The following UPP2 variants were observed in gnomAD, a reference collection of about 807,000 sequenced individuals.
UPP2 encodes uridine phosphorylase 2.
Under a neutral mutation model 26.7 loss-of-function variants are expected in UPP2, and 23 were observed. That is an observed-to-expected ratio of 0.86 (90% CI 0.62 to 1.22). UPP2 has a LOEUF of 1.22. Among genes scored for constraint, UPP2 ranks in the 50% most tolerant of loss-of-function variants. The pLI is 0.00. For missense variants in UPP2, 387 were observed against 396.7 expected (o/e 0.98, Z 0.21); for synonymous variants, 127 against 141.3 (o/e 0.90, Z 0.72).
chr2:157,995,652 A>G (rs1683313776), intron 2 of UPP2, among the ~76,000 whole-genome samples: 1 of 152,176 alleles, frequency 6.6e-6, no homozygotes, highest in Admixed American at 6.5e-5. Flanking sequence ...AAAAATTGAA[A>G]ATACAAAAAG....
At chr2:158,016,554 T>G (rs1683663134) in intron 3 of UPP2, among the ~76,000 whole-genome samples, 3 of 152,042 alleles carry the variant, frequency 2.0e-5, no homozygotes, top group Admixed American at 2.0e-4. Flanking sequence ...TTGACCAGGC[T>G]GGTTTTGAAC....
rs567081266 is a variant in UPP2, at chr2:158,007,683, A to G, written c.62-8118A>G. 2.0e-5 allele frequency among the ~76,000 whole-genome samples: 3 copies of G among 148,128 alleles called. No homozygotes were observed. The East Asian group carries it at 6.0e-4, about 29-fold the overall frequency. ...TGCTCTGTCGCTCAGACTGGAGTGC[A>G]GTGGAGTGATCACTGCAACCTCCAC... On this transcript the variant is annotated intron_variant, in intron 2 of 9. Transcript: ENST00000605860.
At chr2:158,097,258 T>C (rs111810440), upstream of UPP2, among the ~76,000 whole-genome samples, 963 of 152,208 alleles carry the variant, frequency 6.3e-3, 7 homozygotes, top group African/African-American at 0.018. Context: ...TGGCTGACAA[T>C]AGTCAAGTCC....
At chr2:158,061,323 C>G (rs1398750685) in intron 3 of UPP2, among the ~76,000 whole-genome samples, 1 of 152,186 alleles carries the variant, frequency 6.6e-6, no homozygotes, top group Non-Finnish European at 1.5e-5. Flanking sequence ...CAGTGTTCCC[C>G]TCACACAAGG....
intron 1 of UPP2, among the ~76,000 whole-genome samples, chr2:158,104,954 A>G (rs1198161660): frequency 2.5e-4 from 16 of 64,012 alleles, no homozygotes; most frequent in African/African-American, 1.5e-3. Context: ...AGGGAAGGGA[A>G]GGGAAGGGAA....
chr2:158,081,814 A>G (rs1386771091), intron 3 of UPP2, among the ~76,000 whole-genome samples: 1 of 152,136 alleles, frequency 6.6e-6, no homozygotes, highest in East Asian at 1.9e-4. Flanking sequence ...TAAAAGGGGT[A>G]GTGGGGAGGG....
At chr2:158,042,851 C>G (rs915026272) in intron 3 of UPP2, among the ~76,000 whole-genome samples, 12 of 152,082 alleles carry the variant, frequency 7.9e-5, no homozygotes, top group African/African-American at 2.4e-4. Context: ...GGGGAGGAGG[C>G]CTTTGGAGGA....
intron 3 of UPP2, chr2:158,015,905 T>C (rs1017664251): frequency 3.9e-5 from 17 of 432,250 alleles, no homozygotes; most frequent in East Asian, 7.3e-5. Flanking sequence ...ATTAAACCTC[T>C]TTTGTTCATA....
chr2:158,118,485 A>G (rs762458357), intron 4 of UPP2, among the ~76,000 whole-genome samples: 1 of 151,954 alleles, frequency 6.6e-6, no homozygotes, highest in East Asian at 1.9e-4. Context: ...TATAGTTTTC[A>G]CAGAGCCTCC....
At chr2:158,080,594 T>C (rs1682707297) in intron 3 of UPP2, among the ~76,000 whole-genome samples, 2 of 152,214 alleles carry the variant, frequency 1.3e-5, no homozygotes, top group Admixed American at 6.5e-5. Context: ...TTTATAAATC[T>C]TGATGCACTA....
chr2:158,041,821 A>AC (rs1684086074), intron 3 of UPP2, among the ~76,000 whole-genome samples: 1 of 152,010 alleles, frequency 6.6e-6, no homozygotes, highest in Admixed American at 6.6e-5. Context: ...TCCCTCTCCC[A>AC]CCTCCCCCAC....
intron 3 of UPP2, among the ~76,000 whole-genome samples, chr2:158,086,276 C>T (rs536872270): frequency 1.3e-5 from 2 of 152,164 alleles, no homozygotes; most frequent in African/African-American, 4.8e-5. Context: ...AATTTATACA[C>T]ATAAAAGTGT....
At chr2:158,106,453 GC>G (rs1683198208) in intron 2 of UPP2, among the ~76,000 whole-genome samples, 1 of 152,064 alleles carries the variant, frequency 6.6e-6, no homozygotes, top group African/African-American at 2.4e-5. Context: ...GGCTACTCTG[GC>G]CCCTGGAGAT....
At chr2:158,108,887 CGTGTGTGTGTGTGTGT>C (rs748328980) in intron 2 of UPP2, among the ~76,000 whole-genome samples, 39 of 133,126 alleles carry the variant, frequency 2.9e-4, no homozygotes, top group Middle Eastern at 3.9e-3. Flanking sequence ...GAGGCAAAAG[CGTGTGTGTGTGTGTGT>C]GTGTGTGTGT....
chr2:158,068,701 A>G lies in UPP2; in HGVS notation c.148-33339A>G, dbSNP rs140282350. ...AGTTTGCTGCTGAGCTTAAGATCCT[A>G]TGGAGTTACTGAGGACTATGATAAA... On this transcript the variant is annotated intron_variant, in intron 3 of 9. Transcript: ENST00000605860. Among the ~76,000 whole-genome samples the G allele has an allele frequency of 7.6e-3, 1,054 of 138,806 alleles. 9 individuals are homozygous for G. Among genetic ancestry groups the G allele is most frequent in the Middle Eastern group, 0.031 (8 of 256 alleles). The allele number at this position is 138,806 out of a possible 152,430, so 91.1% of individuals were successfully genotyped here.
chr2:158,025,688 G>C (rs1162144514), intron 3 of UPP2, among the ~76,000 whole-genome samples: 2 of 152,254 alleles, frequency 1.3e-5, no homozygotes, highest in African/African-American at 4.8e-5. Context: ...GACCAGCAGA[G>C]AATGCTGGGG....
At position 158,123,807 on chromosome 2, in the gene UPP2, C is replaced by T; in HGVS notation, c.723C>T (p.Tyr241=). Residue 241 remains tyrosine (Y), a synonymous_variant, in exon 6 of 7, where the codon TAC becomes TAT. Transcript: ENST00000005756. ...CSFSREKKLD[Y]LKRAFKAGVR... is the part of the protein sequence containing the mutation. ...TTTCCAGAGAAAAAAAGTTAGACTA[C>T]TTGAAGAGAGCATTTAAAGCTGGTG... is the stretch of plus-strand genomic sequence containing the variant. 6.2e-7 allele frequency: 1 copy of T among 1,614,080 alleles called. No homozygotes were observed. Among genetic ancestry groups the T allele is most frequent in the Non-Finnish European group, 8.5e-7 (1 of 1,179,944 alleles).
chr2:158,088,568 T>C (rs1211789995), intron 3 of UPP2, among the ~76,000 whole-genome samples: 1 of 152,124 alleles, frequency 6.6e-6, no homozygotes, highest in African/African-American at 2.4e-5. Flanking sequence ...GTTTGTCATA[T>C]TACTAGAATT....
At chr2:158,018,305 G>T (rs889956948) in intron 3 of UPP2, among the ~76,000 whole-genome samples, 1 of 152,240 alleles carries the variant, frequency 6.6e-6, no homozygotes, top group Admixed American at 6.5e-5. Context: ...TATTAAGACG[G>T]TTTGGATTAT....
Sources: gnomAD v4.1 joint callset for allele counts (sites outside exome capture counted in the v4.1 genomes callset) on GRCh38, gnomAD v4.1.1 for gene constraint, MANE v1.5 for transcripts, NCBI Gene and HGNC (gene_info 2026-07-23, HGNC 2026-07-21) for gene names.